The following MAF variants were observed in gnomAD, a reference collection of about 807,000 sequenced individuals.
MAF encodes the protein MAF bZIP transcription factor.
In MAF, 10 loss-of-function variants were observed where a neutral mutation model predicts 22.0. The observed-to-expected ratio is 0.45, with a 90% CI of 0.28 to 0.77. MAF has a LOEUF of 0.77. MAF is among the 30% of genes least tolerant of loss of function. The pLI, the probability that MAF is intolerant of heterozygous loss-of-function variation, is 0.12. For synonymous variants in MAF, 337 were observed against 255.8 expected, an observed-to-expected ratio of 1.32 and a Z score of -3.03; for missense variants, 544 against 548.4, an observed-to-expected ratio of 0.99 and a Z score of 0.08.
At chr16:79,242,733 C>T in the MAF span, among the ~76,000 whole-genome samples, 1 of 152,018 alleles carries the variant, frequency 6.6e-6, no homozygotes, top group African/African-American at 2.4e-5. Flanking sequence ...CTCTCCACCC[C>T]AAATCAACAA....
chr16:79,353,410 T>G, the MAF span, among the ~76,000 whole-genome samples: 1 of 152,216 alleles, frequency 6.6e-6, no homozygotes, highest in African/African-American at 2.4e-5. Flanking sequence ...ATTACAGGCT[T>G]GAGCCACCGT....
At chr16:79,210,783 GGAT>G in the MAF span, among the ~76,000 whole-genome samples, 2 of 152,088 alleles carry the variant, frequency 1.3e-5, no homozygotes, top group Non-Finnish European at 2.9e-5. Flanking sequence ...CTGTCAGTTT[GGAT>G]GATATGATGC....
the MAF span, among the ~76,000 whole-genome samples, chr16:79,378,104 T>C: frequency 6.6e-6 from 1 of 152,176 alleles, no homozygotes. Flanking sequence ...ACTGAATCTA[T>C]AAATTACCTT....
At chr16:79,384,036 C>T in the MAF span, among the ~76,000 whole-genome samples, 2 of 152,102 alleles carry the variant, frequency 1.3e-5, no homozygotes, top group Admixed American at 6.6e-5. Flanking sequence ...AAATCTTCAG[C>T]CAATTTAGGT....
intron 1 of MAF, among the ~76,000 whole-genome samples, chr16:79,586,612 T>C (rs918254449): frequency 1.3e-5 from 2 of 152,228 alleles, no homozygotes; most frequent in African/African-American, 4.8e-5. Flanking sequence ...TCACAGTGAA[T>C]AACAAAGCAC....
chr16:79,425,728 T>C, the MAF span, among the ~76,000 whole-genome samples: 5 of 151,766 alleles, frequency 3.3e-5, no homozygotes, highest in Non-Finnish European at 5.9e-5. Context: ...CCCAGCACTG[T>C]GCTAGCTACA....
At chr16:79,538,297 T>C in the MAF span, among the ~76,000 whole-genome samples, 3 of 152,304 alleles carry the variant, frequency 2.0e-5, no homozygotes, top group East Asian at 1.9e-4. Context: ...AAGATGCATA[T>C]ACAAACCATT....
At chr16:79,296,495 C>T in the MAF span, among the ~76,000 whole-genome samples, 1 of 151,990 alleles carries the variant, frequency 6.6e-6, no homozygotes, top group South Asian at 2.1e-4. Flanking sequence ...CAAACCTGCA[C>T]CTGCTGCACA....
the MAF span, among the ~76,000 whole-genome samples, chr16:79,466,770 A>G: frequency 6.6e-6 from 1 of 152,246 alleles, no homozygotes; most frequent in Non-Finnish European, 1.5e-5. Context: ...GCCATGGGGA[A>G]TAATTATCTC....
At chr16:79,583,180 G>T (rs1439092977), downstream of MAF, among the ~76,000 whole-genome samples, 1 of 152,200 alleles carries the variant, frequency 6.6e-6, no homozygotes, top group East Asian at 1.9e-4. Context: ...AACACAGAAG[G>T]ACAGGCGTGC....
chr16:79,323,109 A>C, the MAF span, among the ~76,000 whole-genome samples: 2 of 131,230 alleles, frequency 1.5e-5, no homozygotes, highest in South Asian at 5.4e-4. Flanking sequence ...GAGATCAGCC[A>C]CTGCATTCCA....
chr16:79,476,309 C>G, the MAF span, among the ~76,000 whole-genome samples: 1 of 152,144 alleles, frequency 6.6e-6, no homozygotes, highest in African/African-American at 2.4e-5. Flanking sequence ...TTTGAGATAA[C>G]AAGTGAGATA....
chr16:79,481,092 G>A, the MAF span, among the ~76,000 whole-genome samples: 7 of 152,138 alleles, frequency 4.6e-5, no homozygotes, highest in African/African-American at 1.4e-4. Context: ...AAGCTCCATA[G>A]GACAGAATTC....
At chr16:79,385,720 G>A in the MAF span, among the ~76,000 whole-genome samples, 1 of 152,018 alleles carries the variant, frequency 6.6e-6, no homozygotes, top group Non-Finnish European at 1.5e-5. Flanking sequence ...GGCCAACATG[G>A]CAAAACCCTG....
chr16:79,427,249 C>G, the MAF span, among the ~76,000 whole-genome samples: 1 of 152,202 alleles, frequency 6.6e-6, no homozygotes, highest in East Asian at 1.9e-4. Flanking sequence ...AGAGGCAAGT[C>G]AGAGCCCATG....
chr16:79,372,066 A>AT, the MAF span, among the ~76,000 whole-genome samples: 59,544 of 132,418 alleles, frequency 0.45, 13,877 homozygotes, highest in Non-Finnish European at 0.53. Flanking sequence ...AGGGAGAGGA[A>AT]TTTTTTTTTT....
chr16:79,564,809 C>A, the MAF span, among the ~76,000 whole-genome samples: 1 of 152,322 alleles, frequency 6.6e-6, no homozygotes, highest in Non-Finnish European at 1.5e-5. Context: ...CAAGGCCAAC[C>A]ATTGACAGAG....
chr16:79,240,700 G>A, the MAF span, among the ~76,000 whole-genome samples: 1 of 151,766 alleles, frequency 6.6e-6, no homozygotes, highest in African/African-American at 2.4e-5. Context: ...TCTGCTAAGG[G>A]TCAGACTGCC....
At chr16:79,483,854 G>A in the MAF span, among the ~76,000 whole-genome samples, 4 of 152,150 alleles carry the variant, frequency 2.6e-5, no homozygotes, top group Non-Finnish European at 5.9e-5. Flanking sequence ...GGTCTTATTC[G>A]ACAGGCAGAG....
Sources: gnomAD v4.1 joint callset for allele counts (sites outside exome capture counted in the v4.1 genomes callset) on GRCh38, gnomAD v4.1.1 for gene constraint, MANE v1.5 for transcripts, NCBI Gene and HGNC (gene_info 2026-07-23, HGNC 2026-07-21) for gene names.